Variants in MFSD8 observed in about 807,000 individuals in gnomAD.
MFSD8 encodes major facilitator superfamily domain containing 8, also known as major facilitator superfamily domain-containing protein 8.
MFSD8 carries 55 observed loss-of-function variants against 66.4 expected under a neutral mutation model. The observed-to-expected ratio is 0.83, with a 90% CI of 0.67 to 1.04. MFSD8 has a LOEUF of 1.04. Among genes scored for constraint, MFSD8 ranks in the 50% least tolerant of loss-of-function variants. The probability of loss-of-function intolerance (pLI) is 0.00; values close to 1 mark genes in which losing one functional copy is unlikely to be tolerated. For missense variants in MFSD8, 550 were observed against 627.6 expected, an observed-to-expected ratio of 0.88 and a Z score of 1.32; for synonymous variants, 202 against 212.8, an observed-to-expected ratio of 0.95 and a Z score of 0.44.
Position 127,920,470 on chromosome 4 carries a change from A to G in MFSD8, c.*160T>C, listed in dbSNP as rs750538987. ...TATATAACCTACTATTCACAATGAC[A>G]TGTAGAATTCTCTCTGTTATTCAAC... On this transcript the variant is annotated 3_prime_UTR_variant, in exon 12 of 12. Transcript: ENST00000641686. The G allele has an allele frequency of 2.8e-6, 2 of 724,102 alleles. No homozygotes were observed. Among genetic ancestry groups the G allele is most frequent in the Non-Finnish European group, 4.9e-6 (2 of 406,270 alleles). 44.9% of individuals were successfully genotyped at this position (724,102 alleles called of 1,614,324 possible).
chr4:127,964,841 C>T, intron 1 of MFSD8: 1 of 615,552 alleles, frequency 1.6e-6, no homozygotes, highest in Non-Finnish European at 2.9e-6. Context: ...GCCTGGGTTT[C>T]TCCAGCCCCG....
At chr4:127,930,575 C>A in intron 9 of MFSD8, 108 bp downstream of exon 9, 1 of 1,255,240 alleles carries the variant, frequency 8.0e-7, no homozygotes, top group Non-Finnish European at 1.1e-6. Flanking sequence ...AATTTGTGTG[C>A]AAAAAAAAGC....
intron 9 of MFSD8, among the ~76,000 whole-genome samples, chr4:127,929,726 G>T (rs1737826023): frequency 6.6e-6 from 1 of 152,106 alleles, no homozygotes; most frequent in Non-Finnish European, 1.5e-5. Context: ...GAAGAAATAA[G>T]ACCTAGTTTT....
intron 3 of MFSD8, among the ~76,000 whole-genome samples, chr4:127,947,819 G>A (rs1378398898): frequency 6.6e-6 from 1 of 151,212 alleles, no homozygotes; most frequent in Non-Finnish European, 1.5e-5. Flanking sequence ...TCTAATATGG[G>A]ACAAAGTTCA....
At chr4:127,922,503 T>C (rs894713766) in intron 9 of MFSD8, among the ~76,000 whole-genome samples, 18 of 152,140 alleles carry the variant, frequency 1.2e-4, no homozygotes, top group African/African-American at 4.3e-4. Flanking sequence ...TTGGTGCCTG[T>C]AGTTCTAGCT....
chr4:127,953,546 T>G (rs1308180413), intron 2 of MFSD8, among the ~76,000 whole-genome samples: 7 of 122,180 alleles, frequency 5.7e-5, no homozygotes, highest in South Asian at 2.8e-4. Flanking sequence ...GCATTCTGTT[T>G]TTTTTTTTTT....
At chr4:127,925,779 C>T (rs1434295023) in intron 9 of MFSD8, among the ~76,000 whole-genome samples, 3 of 152,146 alleles carry the variant, frequency 2.0e-5, no homozygotes, top group Non-Finnish European at 2.9e-5. Flanking sequence ...ACTATGAAGA[C>T]ACATGCACAT....
intron 8 of MFSD8, 52 bp from the exon 9 acceptor site, chr4:127,930,869 A>G: frequency 1.3e-6 from 2 of 1,529,196 alleles, no homozygotes; most frequent in Non-Finnish European, 1.8e-6. Flanking sequence ...TAACTGTTAT[A>G]CTTAAAGTGA....
In MFSD8 at chr4:127,920,541, T is replaced by G; in HGVS notation, c.*89A>C. 1 of 1,296,308 alleles carries G rather than the reference T, an allele frequency of 7.7e-7. No individual in the cohort carries two copies. The highest frequency in any genetic ancestry group is 1.2e-5 in the South Asian group (1 of 84,258). 80.3% of individuals were successfully genotyped at this position (1,296,308 alleles called of 1,614,324 possible). On this transcript the variant is annotated 3_prime_UTR_variant, in exon 12 of 12. Coordinates refer to ENST00000641686, the MANE Select transcript of MFSD8 (RefSeq NM_001371596.2). ...ATCTGCAATATCTGTAGTCTGATTC[T>G]TGGAGACTGGCTCACCGCAATTGTC...
upstream of MFSD8, chr4:127,965,355 G>C: frequency 3.2e-6 from 2 of 620,646 alleles, no homozygotes; most frequent in Non-Finnish European, 5.8e-6. Flanking sequence ...CTCGGCACGC[G>C]CCTCCCATCC....
intron 7 of MFSD8, among the ~76,000 whole-genome samples, chr4:127,937,243 AT>A (rs775046975): frequency 2.8e-4 from 43 of 152,242 alleles, no homozygotes; most frequent in Middle Eastern, 3.4e-3. Flanking sequence ...TGCCTGTGGG[AT>A]TTTTTAGTTG....
chr4:127,944,531 C>A (rs1198513471), intron 3 of MFSD8, among the ~76,000 whole-genome samples: 1 of 152,152 alleles, frequency 6.6e-6, no homozygotes, highest in Non-Finnish European at 1.5e-5. Flanking sequence ...ACTCAGTATT[C>A]TACCACTTTA....
intron 9 of MFSD8, among the ~76,000 whole-genome samples, chr4:127,925,414 A>C (rs893617098): frequency 3.9e-5 from 6 of 152,222 alleles, no homozygotes; most frequent in African/African-American, 1.2e-4. Flanking sequence ...CAACCCCATC[A>C]AAAAGTGGGC....
intron 3 of MFSD8, 26 bp from the exon 4 acceptor site, chr4:127,944,018 A>G: frequency 1.9e-6 from 3 of 1,613,900 alleles, no homozygotes; most frequent in Non-Finnish European, 2.5e-6. Context: ...CAGTGCTTTA[A>G]GAATTGTTAT....
intron 1 of MFSD8, among the ~76,000 whole-genome samples, chr4:127,959,800 A>T (rs1458811080): frequency 6.6e-6 from 1 of 152,228 alleles, no homozygotes; most frequent in Non-Finnish European, 1.5e-5. Flanking sequence ...GTATAACTTC[A>T]ATGAAAAAAA....
At chr4:127,965,427 C>T (rs956103716), upstream of MFSD8, 11 of 552,166 alleles carry the variant, frequency 2.0e-5, no homozygotes, top group Admixed American at 9.3e-5. Context: ...CCGCCCTGCT[C>T]CGGGTTTGTC....
intron 9 of MFSD8, among the ~76,000 whole-genome samples, chr4:127,923,455 C>T (rs975273023): frequency 1.3e-5 from 2 of 151,750 alleles, no homozygotes; most frequent in African/African-American, 4.8e-5. Context: ...GTTGAACCAG[C>T]CTTGCATCTC....
At chr4:127,946,133 C>T (rs1054181657) in intron 3 of MFSD8, among the ~76,000 whole-genome samples, 6 of 152,034 alleles carry the variant, frequency 3.9e-5, no homozygotes, top group African/African-American at 1.4e-4. Flanking sequence ...TATCGTTACC[C>T]AGGCTGGTCT....
At chr4:127,942,671 A>G (rs1011826695) in intron 4 of MFSD8, among the ~76,000 whole-genome samples, 9 of 152,112 alleles carry the variant, frequency 5.9e-5, no homozygotes, top group African/African-American at 2.2e-4. Context: ...CAGTGAAAAA[A>G]AAAAAAAAAG....
Sources: allele counts gnomAD v4.1 joint callset (sites outside exome capture counted in the v4.1 genomes callset), GRCh38; gene constraint gnomAD v4.1.1; transcripts MANE v1.5; gene names NCBI Gene and HGNC (gene_info 2026-07-23, HGNC 2026-07-21).